The following CHTF8 variants were observed in gnomAD, a reference collection of about 807,000 sequenced individuals.
CHTF8 encodes the protein chromosome transmission fidelity protein 8 homolog.
CHTF8 carries 6 observed loss-of-function variants against 11.0 expected under a neutral mutation model. The observed-to-expected ratio is 0.55, with a 90% CI of 0.30 to 1.08. The LOEUF (loss-of-function observed/expected upper bound fraction) is 1.08. Among genes scored for constraint, CHTF8 ranks in the 50% least tolerant of loss-of-function variants. The pLI is 0.07. For missense variants in CHTF8, 140 were observed against 153.1 expected (o/e 0.91, Z 0.45); for synonymous variants, 53 against 60.5 (o/e 0.88, Z 0.57).
At chr16:69,127,990 C>T (rs1253294990) in intron 1 of CHTF8, among the ~76,000 whole-genome samples, 26 of 151,776 alleles carry the variant, frequency 1.7e-4, no homozygotes, top group Admixed American at 1.4e-3. Context: ...TCTCGGCTCA[C>T]TGCAACCTCC....
Position 69,120,732 on chromosome 16 carries a change from G to A in CHTF8, c.142-83C>T. On this transcript the variant is annotated intron_variant, in intron 3 of 3. Transcript: ENST00000448552. This position sits in a 1 kb window ranked among gnomAD's most constrained non-coding sequence, Gnocchi z 4.0. ...GCGCCTCCTAAAGCTGCTCTTGGCA[G>A]GCTATGCTGGCACCTCCAATCCCTG... 6 of 1,194,074 alleles carry A rather than the reference G, an allele frequency of 5.0e-6. No homozygotes were observed. Among genetic ancestry groups the A allele is most frequent in the Non-Finnish European group, 7.2e-6 (6 of 828,906 alleles). 74.0% of individuals were successfully genotyped at this position (1,194,074 alleles called of 1,614,324 possible). A position where few individuals can be genotyped will look rare whatever the true frequency, so the allele number is the denominator to read the frequency against.
At chr16:69,125,594 T>C (rs1267980450) in intron 1 of CHTF8, among the ~76,000 whole-genome samples, 1 of 152,174 alleles carries the variant, frequency 6.6e-6, no homozygotes, top group African/African-American at 2.4e-5. Flanking sequence ...CAAGAGAGCA[T>C]CCTTGAATTG....
Position 69,118,428 on chromosome 16 carries a change from C to T in CHTF8, c.*1997G>A. The T allele has an allele frequency of 6.2e-7, 1 of 1,612,634 alleles. No individual in the cohort carries two copies. The highest frequency in any genetic ancestry group is 8.5e-7 in the Non-Finnish European group (1 of 1,178,626). ...CAGGTCAGAGCTACGGAAGCATGGT[C>T]CGTTCACCAACGCCACGTTTCTAGA... On this transcript the variant is annotated 3_prime_UTR_variant, in exon 4 of 4. Transcript: ENST00000448552.
chr16:69,120,504 A>C lies in CHTF8; in HGVS notation c.287T>G (p.Val96Gly). The change falls in exon 4 of 4, where the codon GTG (valine) becomes GGG (glycine). Residue 96 changes from valine to glycine, a missense_variant. Val to Gly is a moderately radical substitution (Grantham distance 109, BLOSUM62 -3). Coordinates refer to ENST00000448552, the MANE Select transcript of CHTF8 (RefSeq NM_001039690.5). This position sits in a 1 kb window ranked among gnomAD's most constrained non-coding sequence, Gnocchi z 4.0. Reference protein sequence around the residue: ...LGRETGTRYLVTALIKDKILF... With the variant: ...LGRETGTRYLGTALIKDKILF... Reference sequence around the variant, plus strand: ...GATCTTGTCTTTGATGAGTGCTGTCACCAGGTACCGGGTGCCAGTCTCGCG... The same window carrying C: ...GATCTTGTCTTTGATGAGTGCTGTCCCCAGGTACCGGGTGCCAGTCTCGCG... 6.2e-7 allele frequency: 1 copy of C among 1,614,114 alleles called. No homozygotes were observed. Among genetic ancestry groups the C allele is most frequent in the Non-Finnish European group, 8.5e-7 (1 of 1,180,036 alleles).
At position 69,118,522 on chromosome 16, in the gene CHTF8, A is replaced by T. The variant is rs1229061651; in HGVS notation, c.*1903T>A. 1 of 985,384 alleles carries T rather than the reference A, an allele frequency of 1.0e-6. No homozygotes were observed. Among genetic ancestry groups the T allele is most frequent in the South Asian group, 1.3e-5 (1 of 78,110 alleles). 61.0% of individuals were successfully genotyped at this position (985,384 alleles called of 1,614,324 possible). A position where few individuals can be genotyped will look rare whatever the true frequency, so the allele number is the denominator to read the frequency against. On this transcript the variant is annotated 3_prime_UTR_variant, in exon 4 of 4. Coordinates refer to ENST00000448552, the MANE Select transcript of CHTF8 (RefSeq NM_001039690.5). ...TGAACTGGGACCTGCAGGCCAATGT[A>T]TCCCTGAGGAAAAGTCCACAAGAAC...
At chr16:69,128,369 C>T (rs1325922924) in intron 1 of CHTF8, among the ~76,000 whole-genome samples, 2 of 152,128 alleles carry the variant, frequency 1.3e-5, no homozygotes, top group African/African-American at 2.4e-5. Context: ...CATTATATTA[C>T]AGTGTGGTAT....
intron 1 of CHTF8, among the ~76,000 whole-genome samples, chr16:69,125,147 G>A (rs572413982): frequency 3.9e-5 from 6 of 152,194 alleles, no homozygotes; most frequent in Middle Eastern, 3.4e-3. Context: ...CAGGTGATAC[G>A]CCCGCGTTGC....
At position 69,118,691 on chromosome 16, in the gene CHTF8, C is replaced by T. The variant is rs1240111798; in HGVS notation, c.*1734G>A. 4.5e-6 allele frequency: 3 copies of T among 662,032 alleles called. No individual in the cohort carries two copies. The highest frequency in any genetic ancestry group is 1.8e-5 in the African/African-American group (1 of 55,528). The allele number at this position is 662,032 out of a possible 1,614,324, so 41.0% of individuals were successfully genotyped here. ...TCACATGCCACAAATAACATCTCAC[C>T]TTCAGTCAAGAAAAACGCAAAGGAA... On this transcript the variant is annotated 3_prime_UTR_variant, in exon 4 of 4. Transcript: ENST00000448552.
Position 69,118,916 on chromosome 16 carries a change from C to T in CHTF8, c.*1509G>A. Reference sequence around the variant, plus strand: ...ATTGGACCCCCTGGTCTGGGGAAAGCAGCTGGGTTTGTGCCAGGGAGGCTC... The same window carrying T: ...ATTGGACCCCCTGGTCTGGGGAAAGTAGCTGGGTTTGTGCCAGGGAGGCTC... On this transcript the variant is annotated 3_prime_UTR_variant, in exon 4 of 4. Transcript: ENST00000448552. The T allele has an allele frequency of 1.4e-6, 1 of 703,098 alleles. No individual in the cohort carries two copies. The highest frequency in any genetic ancestry group is 2.6e-6 in the Non-Finnish European group (1 of 385,034). The allele number at this position is 703,098 out of a possible 1,614,324, so 43.6% of individuals were successfully genotyped here.
Position 69,120,425 on chromosome 16 carries a change from T to G in CHTF8, c.366A>C (p.Ter122CysextTer37). The change falls in exon 4 of 4, where the codon TGA becomes TGC. Residue 122 changes from the stop codon to cysteine, a stop_lost. Coordinates refer to ENST00000448552, the MANE Select transcript of CHTF8 (RefSeq NM_001039690.5). This position sits in a 1 kb window ranked among gnomAD's most constrained non-coding sequence, Gnocchi z 4.0. ...TCTCTAGGGAAAATCCGAGGTTCTT[T>G]CATACTTTCTTGGGGACGCTGGTGA... ...PIITSVPKKV[*>C] 1 of 1,614,072 alleles carries G rather than the reference T, an allele frequency of 6.2e-7. No individual in the cohort carries two copies. The highest frequency in any genetic ancestry group is 8.5e-7 in the Non-Finnish European group (1 of 1,180,000).
rs372913153 is a variant in CHTF8 at position 69,120,674 on chromosome 16, C to G, written c.142-25G>C. 45 of 1,592,650 alleles carry G rather than the reference C, an allele frequency of 2.8e-5. No homozygotes were observed. The highest frequency in any genetic ancestry group is 3.8e-5 in the Non-Finnish European group (44 of 1,163,900). ...CCTTTGGCAGAACAAGAACGAGATT[C>G]CTGAGGTTCCGGGGCAAGGCCATAA... On this transcript the variant is annotated intron_variant, in intron 3 of 3. Transcript: ENST00000448552. This position sits in a 1 kb window ranked among gnomAD's most constrained non-coding sequence, Gnocchi z 4.0.
rs1567585616 is a variant in CHTF8, at chr16:69,118,740, G to T, written c.*1685C>A. The T allele has an allele frequency of 4.7e-6, 3 of 639,430 alleles. No individual in the cohort carries two copies. Among genetic ancestry groups the T allele is most frequent in the Non-Finnish European group, 8.4e-6 (3 of 356,556 alleles). 39.6% of individuals were successfully genotyped at this position (639,430 alleles called of 1,614,324 possible). A position where few individuals can be genotyped will look rare whatever the true frequency, so the allele number is the denominator to read the frequency against. ...AAAAAGATGGCTCATTTGAACTTGAGCCCAAGCTATGTTCTTCAGACTGTA... is the reference window on the plus strand; with the variant it reads ...AAAAAGATGGCTCATTTGAACTTGATCCCAAGCTATGTTCTTCAGACTGTA... On this transcript the variant is annotated 3_prime_UTR_variant, in exon 4 of 4. Transcript: ENST00000448552.
Position 69,118,511 on chromosome 16 carries a change from C to A in CHTF8, c.*1914G>T. Reference sequence around the variant, plus strand: ...GGGACTACATGTGAACTGGGACCTGCAGGCCAATGTATCCCTGAGGAAAAG... The same window carrying A: ...GGGACTACATGTGAACTGGGACCTGAAGGCCAATGTATCCCTGAGGAAAAG... On this transcript the variant is annotated 3_prime_UTR_variant, in exon 4 of 4. Coordinates refer to ENST00000448552, the MANE Select transcript of CHTF8 (RefSeq NM_001039690.5). 1 of 1,060,436 alleles carries A rather than the reference C, an allele frequency of 9.4e-7. No individual in the cohort carries two copies. Among genetic ancestry groups the A allele is most frequent in the Non-Finnish European group, 1.5e-6 (1 of 674,282 alleles). 65.7% of individuals were successfully genotyped at this position (1,060,436 alleles called of 1,614,324 possible). A position where few individuals can be genotyped will look rare whatever the true frequency, so the allele number is the denominator to read the frequency against.
Position 69,132,526 on chromosome 16 carries a change from G to C in CHTF8, c.-78C>G, listed in dbSNP as rs1962633520. ...GAGCGCGGCGCCGCGCGGCCAACGGGCGACAACCGAACCTCCCGCCGCCGT... is the reference window on the plus strand; with the variant it reads ...GAGCGCGGCGCCGCGCGGCCAACGGCCGACAACCGAACCTCCCGCCGCCGT... On this transcript the variant is annotated 5_prime_UTR_variant, in exon 1 of 4. Transcript: ENST00000448552. 3.0e-6 allele frequency: 1 copy of C among 335,258 alleles called. No homozygotes were observed. The highest frequency in any genetic ancestry group is 4.3e-5 in the Admixed American group (1 of 23,274). 20.8% of individuals were successfully genotyped at this position (335,258 alleles called of 1,614,324 possible). A position where few individuals can be genotyped will look rare whatever the true frequency, so the allele number is the denominator to read the frequency against.
chr16:69,123,581 C>T (rs1274408770), intron 1 of CHTF8, among the ~76,000 whole-genome samples: 1 of 151,968 alleles, frequency 6.6e-6, no homozygotes, highest in Non-Finnish European at 1.5e-5. Context: ...CACTTGAACC[C>T]TGGGAGGCAA....
chr16:69,129,598 C>T (rs1305814359), intron 1 of CHTF8, among the ~76,000 whole-genome samples: 3 of 152,142 alleles, frequency 2.0e-5, no homozygotes, highest in African/African-American at 7.2e-5. Flanking sequence ...TCCCATTTCA[C>T]AAATGAGGAA....
chr16:69,125,597 T>C (rs1962005941), intron 1 of CHTF8, among the ~76,000 whole-genome samples: 2 of 152,216 alleles, frequency 1.3e-5, no homozygotes, highest in South Asian at 4.1e-4. Context: ...GAGAGCATCC[T>C]TGAATTGAGT....
At chr16:69,132,356 T>C (rs1962611294) in intron 1 of CHTF8, 128 bp downstream of exon 1, 2 of 141,064 alleles carry the variant, frequency 1.4e-5, no homozygotes, top group African/African-American at 5.4e-5. Context: ...CTCGCCATTC[T>C]TCTCTCCGAG....
chr16:69,130,366 C>G (rs555235984), intron 1 of CHTF8, among the ~76,000 whole-genome samples: 78 of 152,106 alleles, frequency 5.1e-4, no homozygotes, highest in Non-Finnish European at 9.6e-4. Flanking sequence ...CTTAAACATT[C>G]TTTTCTAAAC....
Sources: allele counts gnomAD v4.1 joint callset (sites outside exome capture counted in the v4.1 genomes callset), GRCh38; gene constraint gnomAD v4.1.1; non-coding constraint Gnocchi (gnomAD v3.1); transcripts MANE v1.5; gene names NCBI Gene and HGNC (gene_info 2026-07-23, HGNC 2026-07-21).